Variants in MSL2 observed in about 807,000 individuals in gnomAD.
The protein encoded by MSL2 is MSL complex subunit 2.
MSL2 carries 2 observed loss-of-function variants against 35.8 expected under a neutral mutation model. The ratio of observed to expected loss-of-function variants is 0.06; its 90% CI spans 0.02 to 0.18. The LOEUF (loss-of-function observed/expected upper bound fraction) is 0.18. Ranked by LOEUF, MSL2 falls within the 10% of genes least tolerant of loss-of-function variation. The probability of loss-of-function intolerance (pLI) is 1.00; values close to 1 mark genes in which losing one functional copy is unlikely to be tolerated. For missense variants in MSL2, 523 were observed against 706.7 expected, an observed-to-expected ratio of 0.74 and a Z score of 2.95; for synonymous variants, 296 against 255.7, an observed-to-expected ratio of 1.16 and a Z score of -1.50.
chr3:136,158,281 C>A (rs1289099395), intron 1 of MSL2, among the ~76,000 whole-genome samples: 2 of 151,316 alleles, frequency 1.3e-5, no homozygotes, highest in Non-Finnish European at 2.9e-5. Flanking sequence ...CACTGCACTC[C>A]AGCCTGGGCA....
chr3:136,192,845 A>G (rs1334852075), intron 1 of MSL2, among the ~76,000 whole-genome samples: 3 of 152,204 alleles, frequency 2.0e-5, no homozygotes, highest in African/African-American at 7.2e-5. Context: ...CAGCTAAGGA[A>G]AAAAGTCTAG....
chr3:136,194,921 G>A, intron 1 of MSL2, 51 bp downstream of exon 1: 2 of 1,611,492 alleles, frequency 1.2e-6, no homozygotes, highest in South Asian at 2.2e-5. Flanking sequence ...CCACTGCCCA[G>A]AAGGCTTTTA....
Position 136,152,548 on chromosome 3 carries a change from T to C in MSL2, c.333A>G (p.Thr111=). The C allele has an allele frequency of 1.9e-6, 3 of 1,614,142 alleles. No homozygotes were observed. The highest frequency in any genetic ancestry group is 1.7e-6 in the Non-Finnish European group (2 of 1,180,024). The change falls in exon 2 of 2, where the codon ACA becomes ACG. Residue 111 remains threonine (T), a synonymous_variant. Transcript: ENST00000309993. ...NCYKKLCEYI[T]QTTLARDIIE... is the part of the protein sequence containing the mutation. ...TTATATCCCGTGCCAGTGTAGTCTG[T>C]GTTATATACTCGCATAGTTTTTTGT... is the stretch of plus-strand genomic sequence containing the variant.
chr3:136,176,176 A>G (rs1940168007), intron 1 of MSL2, among the ~76,000 whole-genome samples: 1 of 152,220 alleles, frequency 6.6e-6, no homozygotes, highest in Non-Finnish European at 1.5e-5. Context: ...TGCCCAATAT[A>G]GTTGTGTGCA....
intron 1 of MSL2, among the ~76,000 whole-genome samples, chr3:136,170,194 T>C (rs532930001): frequency 1.3e-5 from 2 of 149,670 alleles, no homozygotes; most frequent in East Asian, 2.0e-4. Context: ...AATATATATA[T>C]ATACAAAAAT....
rs1940814538 is a variant in MSL2 at position 136,195,553 on chromosome 3, C to T, written c.-440G>A. 3 of 998,998 alleles carry T rather than the reference C, an allele frequency of 3.0e-6. No homozygotes were observed. Among genetic ancestry groups the T allele is most frequent in the Non-Finnish European group, 2.4e-6 (2 of 838,942 alleles). The allele number at this position is 998,998 out of a possible 1,614,324, so 61.9% of individuals were successfully genotyped here. A position where few individuals can be genotyped will look rare whatever the true frequency, so the allele number is the denominator to read the frequency against. On this transcript the variant is annotated 5_prime_UTR_variant, in exon 1 of 2. In the 5' UTR this introduces an upstream ATG that the reference lacks. Transcript: ENST00000309993. Reference sequence around the variant, plus strand: ...CCCCGGCCCCGTCTGAGGCGCGGCACGCTTCTCCCGGGCTGCAGGGCCTCT... The same window carrying T: ...CCCCGGCCCCGTCTGAGGCGCGGCATGCTTCTCCCGGGCTGCAGGGCCTCT...
At position 136,149,783 on chromosome 3, in the gene MSL2, A is replaced by C. The variant is rs556820890; in HGVS notation, c.*1364T>G. ...AACATGCTGTGTGCCAAATCAAAAC[A>C]TAACTTCAGCATATGTCAGATCTTA... On this transcript the variant is annotated 3_prime_UTR_variant, in exon 2 of 2. Transcript: ENST00000309993. 1.3e-5 allele frequency: 2 copies of C among 152,326 alleles called. No individual in the cohort carries two copies. The highest frequency in any genetic ancestry group is 3.9e-4 in the East Asian group (2 of 5,188). The allele number at this position is 152,326 out of a possible 1,614,324, so 9.4% of individuals were successfully genotyped here. A position where few individuals can be genotyped will look rare whatever the true frequency, so the allele number is the denominator to read the frequency against.
chr3:136,189,459 T>C (rs1319490195), intron 1 of MSL2, among the ~76,000 whole-genome samples: 2 of 147,674 alleles, frequency 1.4e-5, no homozygotes, highest in Non-Finnish European at 3.0e-5. Context: ...GCGCAGTGGC[T>C]CACACCTGTA....
At chr3:136,175,881 CTG>C (rs1940158565) in intron 1 of MSL2, among the ~76,000 whole-genome samples, 1 of 98,898 alleles carries the variant, frequency 1.0e-5, no homozygotes, top group Non-Finnish European at 2.7e-5. Context: ...ATGCCAAACA[CTG>C]TGCTAAGCCT....
At position 136,179,869 on chromosome 3, in the gene MSL2, C is replaced by T. The variant is rs1050060343; in HGVS notation, c.142+15103G>A. Among the ~76,000 whole-genome samples, 9 of 152,138 alleles carry T rather than the reference C, an allele frequency of 5.9e-5. No homozygotes were observed. In the East Asian group the frequency reaches 9.6e-4, roughly 16 times the overall value. ...TCACCTGAGGTCAAGAGTTTGAGAT[C>T]AGCCTGGCCAACACGGTGAAACTCC... On this transcript the variant is annotated intron_variant, in intron 1 of 1. Transcript: ENST00000309993.
intron 1 of MSL2, among the ~76,000 whole-genome samples, chr3:136,170,725 G>A (rs187222462): frequency 2.4e-4 from 37 of 151,812 alleles, no homozygotes; most frequent in Middle Eastern, 3.4e-3. Context: ...GGATGGTCTC[G>A]ATCTCTTGAC....
chr3:136,153,187 T>C (rs1393185877), intron 1 of MSL2: 1 of 429,668 alleles, frequency 2.3e-6, no homozygotes, highest in African/African-American at 2.2e-5. Context: ...TGAACTATGA[T>C]CTTGCCACTG....
At position 136,151,660 on chromosome 3, in the gene MSL2, G is replaced by A; in HGVS notation, c.1221C>T (p.Ser407=). Residue 407 remains serine, a synonymous_variant, in exon 2 of 2, where the codon AGC becomes AGT. Coordinates refer to ENST00000309993, the MANE Select transcript of MSL2 (RefSeq NM_018133.4). This position sits in a 1 kb window ranked among gnomAD's most constrained non-coding sequence, Gnocchi z 5.2. ...ATCCATGTTCATGACTCTTTTTCAT[G>A]CTTTTAGTAGATAAAAGTACAGTTT... The part of the protein sequence containing the change: ...ISKTVLLSTK[S]MKKSHEHGSK... The A allele has an allele frequency of 1.2e-6, 2 of 1,614,064 alleles. No homozygotes were observed. The highest frequency in any genetic ancestry group is 1.7e-6 in the Non-Finnish European group (2 of 1,180,008).
At chr3:136,187,705 A>T (rs1418084212) in intron 1 of MSL2, among the ~76,000 whole-genome samples, 1 of 152,038 alleles carries the variant, frequency 6.6e-6, no homozygotes, top group Non-Finnish European at 1.5e-5. Flanking sequence ...CCCCAAATTA[A>T]TATTTTCTAA....
chr3:136,189,511 T>C (rs1940622896), intron 1 of MSL2, among the ~76,000 whole-genome samples: 1 of 147,988 alleles, frequency 6.8e-6, no homozygotes, highest in African/African-American at 2.5e-5. Flanking sequence ...GATCACGAGG[T>C]CAGGAGATCG....
intron 1 of MSL2, among the ~76,000 whole-genome samples, chr3:136,164,506 C>G (rs1177847371): frequency 6.6e-6 from 1 of 152,134 alleles, no homozygotes; most frequent in Non-Finnish European, 1.5e-5. Flanking sequence ...TCAAAGTTTC[C>G]CCAAGGGTTC....
Position 136,195,711 on chromosome 3 carries a change from C to T in MSL2, c.-598G>A, listed in dbSNP as rs1940824145. 1 of 985,276 alleles carries T rather than the reference C, an allele frequency of 1.0e-6. No homozygotes were observed. Among genetic ancestry groups the T allele is most frequent in the African/African-American group, 1.7e-5 (1 of 57,216 alleles). The allele number at this position is 985,276 out of a possible 1,614,324, so 61.0% of individuals were successfully genotyped here. A position where few individuals can be genotyped will look rare whatever the true frequency, so the allele number is the denominator to read the frequency against. On this transcript the variant is annotated 5_prime_UTR_variant, in exon 1 of 2. Coordinates refer to ENST00000309993, the MANE Select transcript of MSL2 (RefSeq NM_018133.4). ...ATGTTGCGGCTGGCGGACGCCGCCG[C>T]CGCGCTCTCCATATCGGACGCGGGG...
At position 136,195,846 on chromosome 3, in the gene MSL2, C is replaced by A. The variant is rs922990209; in HGVS notation, c.-733G>T. ...GGAGGGGAAGGCCGGGGAGGAAGTG[C>A]GCGGGCCGCCGCCGGCGGGCGGGAG... On this transcript the variant is annotated 5_prime_UTR_variant, in exon 1 of 2. Coordinates refer to ENST00000309993, the MANE Select transcript of MSL2 (RefSeq NM_018133.4). 6.1e-6 allele frequency: 6 copies of A among 983,044 alleles called. No individual in the cohort carries two copies. The highest frequency in any genetic ancestry group is 7.2e-6 in the Non-Finnish European group (6 of 828,326). 60.9% of individuals were successfully genotyped at this position (983,044 alleles called of 1,614,324 possible).
intron 1 of MSL2, among the ~76,000 whole-genome samples, chr3:136,159,616 C>G (rs1350626608): frequency 6.6e-6 from 1 of 151,348 alleles, no homozygotes; most frequent in African/African-American, 2.4e-5. Context: ...GTGATCCGCC[C>G]GCCTCGGCCT....
Sources: gnomAD v4.1 joint callset for allele counts (sites outside exome capture counted in the v4.1 genomes callset) on GRCh38, gnomAD v4.1.1 for gene constraint, Gnocchi (gnomAD v3.1) non-coding constraint, MANE v1.5 for transcripts, NCBI Gene and HGNC (gene_info 2026-07-23, HGNC 2026-07-21) for gene names.